Variants in GLIS3 observed in about 807,000 individuals in gnomAD.
GLIS3 encodes zinc finger protein GLIS3.
A neutral mutation model predicts 78.6 loss-of-function variants in GLIS3; 53 were observed. The observed-to-expected ratio is 0.67, with a 90% confidence interval of 0.54 to 0.85. GLIS3 has a LOEUF of 0.85. Among genes scored for constraint, GLIS3 ranks in the 40% least tolerant of loss-of-function variants. The pLI is 0.00. For missense variants in GLIS3, 1,703 were observed against 1,231.1 expected (o/e 1.38, Z -5.74); for synonymous variants, 684 against 509.9 (o/e 1.34, Z -4.60).
chr9:4,448,553 A>G, the GLIS3 span, among the ~76,000 whole-genome samples: 2 of 152,318 alleles, frequency 1.3e-5, no homozygotes, highest in East Asian at 3.9e-4. Flanking sequence ...GTCATTATAG[A>G]CATTTACAGA....
intron 4 of GLIS3, among the ~76,000 whole-genome samples, chr9:3,937,454 A>G (rs1343232625): frequency 6.6e-6 from 1 of 152,202 alleles, no homozygotes; most frequent in Admixed American, 6.5e-5. Context: ...GAGAAAATTC[A>G]CCGTGAGCCA....
chr9:4,400,779 C>G, the GLIS3 span, among the ~76,000 whole-genome samples: 1 of 152,142 alleles, frequency 6.6e-6, no homozygotes, highest in Non-Finnish European at 1.5e-5. Context: ...GCTCCAGGCC[C>G]TAGCTCCTGG....
chr9:3,908,706 G>GATTTTTTTTTTTT, intron 6 of GLIS3, among the ~76,000 whole-genome samples: 1 of 85,554 alleles, frequency 1.2e-5, no homozygotes. Flanking sequence ...ATTTGTATTT[G>GATTTTTTTTTTTT]TTTTTTTTTT....
At chr9:4,488,102 C>G in the GLIS3 span, among the ~76,000 whole-genome samples, 8 of 79,510 alleles carry the variant, frequency 1.0e-4, no homozygotes, top group Non-Finnish European at 2.1e-4. Context: ...TTTATTTCGT[C>G]TGTTTGTTGG....
At chr9:3,930,187 G>A (rs140197215) in intron 6 of GLIS3, among the ~76,000 whole-genome samples, 5 of 152,266 alleles carry the variant, frequency 3.3e-5, no homozygotes, top group African/African-American at 4.8e-5. Flanking sequence ...GGCTAAAATC[G>A]GAAAGTAAAC....
At chr9:4,205,741 T>C (rs1423547730) in intron 2 of GLIS3, among the ~76,000 whole-genome samples, 1 of 152,198 alleles carries the variant, frequency 6.6e-6, no homozygotes, top group Admixed American at 6.5e-5. Flanking sequence ...TTCTCCATGA[T>C]TGTTTAAGCC....
chr9:4,449,170 C>T, the GLIS3 span, among the ~76,000 whole-genome samples: 1 of 152,198 alleles, frequency 6.6e-6, no homozygotes, highest in South Asian at 2.1e-4. Flanking sequence ...AGATTATATA[C>T]CATGCATGGC....
At chr9:3,991,337 C>CA (rs201856690) in intron 4 of GLIS3, among the ~76,000 whole-genome samples, 242 of 148,422 alleles carry the variant, frequency 1.6e-3, no homozygotes, top group Middle Eastern at 6.8e-3. Context: ...TACAAAAAAA[C>CA]AAAAAAAAAG....
rs542891472 is a variant in GLIS3 at position 3,856,917 on chromosome 9, A to G, written c.2298-733T>C. Among the ~76,000 whole-genome samples, 45 of 152,350 alleles carry G rather than the reference A, an allele frequency of 3.0e-4. 1 individual carries two copies. Among genetic ancestry groups the G allele is most frequent in the Admixed American group, 2.1e-3 (32 of 15,296 alleles). ...ATGTTTAAATAAGGAGATGTTGTCAAGAAACCTGGGATATGAAATGGATGA... is the reference window on the plus strand; with the variant it reads ...ATGTTTAAATAAGGAGATGTTGTCAGGAAACCTGGGATATGAAATGGATGA... On this transcript the variant is annotated intron_variant, in intron 8 of 10. Coordinates refer to ENST00000381971, the MANE Select transcript of GLIS3 (RefSeq NM_001042413.2).
chr9:4,480,009 C>T, the GLIS3 span, among the ~76,000 whole-genome samples: 1 of 149,220 alleles, frequency 6.7e-6, no homozygotes, highest in Non-Finnish European at 1.5e-5. Flanking sequence ...CCCACCTTGG[C>T]CTCCCAAAGT....
chr9:4,446,763 G>A, the GLIS3 span, among the ~76,000 whole-genome samples: 17 of 151,128 alleles, frequency 1.1e-4, no homozygotes, highest in African/African-American at 3.7e-4. Flanking sequence ...GACCTGCCTC[G>A]GCCTCCCAAG....
chr9:3,904,045 A>G (rs1323754121), intron 6 of GLIS3, among the ~76,000 whole-genome samples: 1 of 152,168 alleles, frequency 6.6e-6, no homozygotes, highest in African/African-American at 2.4e-5. Flanking sequence ...GCTCCACCAT[A>G]AATATCCACA....
At position 3,977,089 on chromosome 9, in the gene GLIS3, G is replaced by A. The variant is rs1325339230; in HGVS notation, c.1711-39900C>T. Among the ~76,000 whole-genome samples, 5 of 152,044 alleles carry A rather than the reference G, an allele frequency of 3.3e-5. No individual in the cohort carries two copies. The highest frequency in any genetic ancestry group is 5.9e-5 in the Non-Finnish European group (4 of 68,014). On this transcript the variant is annotated intron_variant, in intron 4 of 10. Coordinates refer to ENST00000381971, the MANE Select transcript of GLIS3 (RefSeq NM_001042413.2). This position sits in a 1 kb window ranked among gnomAD's most constrained non-coding sequence, Gnocchi z 4.1. ...GAGGTTTATGCAGTTTGTTCAGCAG[G>A]CTCTGAACTGCATACTGCTAGTTGA...
At chr9:4,295,252 T>C (rs1033410759) in intron 1 of GLIS3, among the ~76,000 whole-genome samples, 2 of 152,092 alleles carry the variant, frequency 1.3e-5, no homozygotes, top group Admixed American at 6.5e-5. Context: ...GTTGCCTTAG[T>C]GGAAGGAACG....
At chr9:4,413,306 C>T in the GLIS3 span, among the ~76,000 whole-genome samples, 4 of 152,300 alleles carry the variant, frequency 2.6e-5, no homozygotes, top group South Asian at 8.3e-4. Flanking sequence ...CACATTAAAT[C>T]ACACCATTGT....
intron 2 of GLIS3, among the ~76,000 whole-genome samples, chr9:4,224,981 A>G (rs888509140): frequency 2.6e-5 from 4 of 151,928 alleles, no homozygotes; most frequent in African/African-American, 9.7e-5. Context: ...CTATAATAAT[A>G]TACTATTTAT....
upstream of GLIS3, among the ~76,000 whole-genome samples, chr9:4,349,216 T>G (rs577225652): frequency 3.9e-5 from 6 of 152,322 alleles, no homozygotes; most frequent in South Asian, 1.2e-3. Context: ...CCACAACAGT[T>G]TATGATAGGT....
intron 2 of GLIS3, among the ~76,000 whole-genome samples, chr9:4,259,378 C>T (rs948459216): frequency 6.6e-6 from 1 of 152,124 alleles, no homozygotes; most frequent in East Asian, 1.9e-4. Flanking sequence ...GGATTGAAAA[C>T]AGATCCTCCC....
chr9:4,466,138 C>A, the GLIS3 span, among the ~76,000 whole-genome samples: 6 of 152,214 alleles, frequency 3.9e-5, no homozygotes, highest in African/African-American at 1.4e-4. Context: ...CAGTGCAGAT[C>A]TAAAGGACCT....
Sources: allele counts gnomAD v4.1 joint callset (sites outside exome capture counted in the v4.1 genomes callset), GRCh38; gene constraint gnomAD v4.1.1; non-coding constraint Gnocchi (gnomAD v3.1); transcripts MANE v1.5; gene names NCBI Gene and HGNC (gene_info 2026-07-23, HGNC 2026-07-21).